The following NSD2 variants were observed in gnomAD, a reference collection of about 807,000 sequenced individuals.
NSD2 encodes histone-lysine N-methyltransferase NSD2.
In NSD2, 12 loss-of-function variants were observed where a neutral mutation model predicts 139.0. That is an observed-to-expected ratio of 0.09 (90% CI 0.06 to 0.14). NSD2 has a LOEUF of 0.14. Among genes scored for constraint, NSD2 ranks in the 10% least tolerant of loss-of-function variants. The pLI is 1.00. For synonymous variants in NSD2, 669 were observed against 648.7 expected, an observed-to-expected ratio of 1.03 and a Z score of -0.48; for missense variants, 1,155 against 1,745.0, an observed-to-expected ratio of 0.66 and a Z score of 6.02.
chr4:1,979,180 G>A lies in NSD2; in HGVS notation c.*271G>A. The stretch of plus-strand genomic sequence containing the variant: ...GTTACCGCCACACTTGAATTTCTCC[G>A]AATGTCAAGGTTCCCTCCCACTCTA... On this transcript the variant is annotated 3_prime_UTR_variant, in exon 22 of 22. Coordinates refer to ENST00000508803, the MANE Select transcript of NSD2 (RefSeq NM_001042424.3). The A allele has an allele frequency of 2.6e-6, 1 of 384,982 alleles. No homozygotes were observed. Among genetic ancestry groups the A allele is most frequent in the Non-Finnish European group, 4.6e-6 (1 of 218,120 alleles). The allele number at this position is 384,982 out of a possible 1,614,324, so 23.8% of individuals were successfully genotyped here. A position where few individuals can be genotyped will look rare whatever the true frequency, so the allele number is the denominator to read the frequency against.
At chr4:1,957,517 A>T (rs1319119051) in intron 15 of NSD2, among the ~76,000 whole-genome samples, 8 of 147,056 alleles carry the variant, frequency 5.4e-5, no homozygotes, top group Non-Finnish European at 1.2e-4. Flanking sequence ...TGAACTCCTG[A>T]CCTCAGGTGA....
chr4:1,950,999 G>A (rs1724162452), intron 9 of NSD2, 73 bp from the exon 10 acceptor site: 8 of 1,580,346 alleles, frequency 5.1e-6, no homozygotes, highest in Non-Finnish European at 6.0e-6. Context: ...GGCGGGACGA[G>A]CCTGCCTGCA....
At position 1,942,834 on chromosome 4, in the gene NSD2, A is replaced by G; in HGVS notation, c.1881+3056A>G. The G allele has an allele frequency of 9.4e-7, 1 of 1,068,064 alleles. No individual in the cohort carries two copies. The highest frequency in any genetic ancestry group is 1.1e-6 in the Non-Finnish European group (1 of 880,696). The allele number at this position is 1,068,064 out of a possible 1,614,324, so 66.2% of individuals were successfully genotyped here. On this transcript the variant is annotated intron_variant, in intron 9 of 21. Transcript: ENST00000508803. The surrounding 1 kb of genome is among the most constrained non-coding windows in gnomAD (Gnocchi z 4.0). ...ACAGCACACGTTAGGAGGAGTCCTC[A>G]TCAGCTGTTCTCATTGCCAGTGAGA...
At chr4:1,872,610 G>GAGAGAGAGAGAGAGAA in intron 1 of NSD2, among the ~76,000 whole-genome samples, 1 of 140,662 alleles carries the variant, frequency 7.1e-6, no homozygotes, top group East Asian at 2.3e-4. Context: ...GAGAGAGAGA[G>GAGAGAGAGAGAGAGAA]AGAGAGAGAG....
chr4:1,931,577 G>A (rs1721638444), intron 6 of NSD2, among the ~76,000 whole-genome samples: 1 of 152,106 alleles, frequency 6.6e-6, no homozygotes, highest in Admixed American at 6.5e-5. Flanking sequence ...GCTTTGGAGA[G>A]TCCAAACATA....
chr4:1,952,608 C>T (rs536423313), intron 11 of NSD2: 2 of 729,704 alleles, frequency 2.7e-6, no homozygotes, highest in South Asian at 8.5e-5. Flanking sequence ...CCTGGTTGGT[C>T]ACCGAACACT....
At chr4:1,960,968 C>A in intron 17 of NSD2, 67 bp from the exon 18 acceptor site, 1 of 1,329,056 alleles carries the variant, frequency 7.5e-7, no homozygotes, top group Admixed American at 1.7e-5. Flanking sequence ...GATGGGGAGT[C>A]TTGAGCCCCG....
chr4:1,951,941 G>C, intron 10 of NSD2, 167 bp from the exon 11 acceptor site: 1 of 1,066,214 alleles, frequency 9.4e-7, no homozygotes, highest in Non-Finnish European at 1.3e-6. Flanking sequence ...TTCTGTATTT[G>C]TACGTTCTGT....
chr4:1,966,011 A>G (rs1725847969), intron 18 of NSD2, among the ~76,000 whole-genome samples: 1 of 152,210 alleles, frequency 6.6e-6, no homozygotes, highest in South Asian at 2.1e-4. Flanking sequence ...CAAATTTCTC[A>G]TCAGGAATTT....
intron 5 of NSD2, among the ~76,000 whole-genome samples, chr4:1,919,994 G>A (rs1719913244): frequency 6.6e-6 from 1 of 152,146 alleles, no homozygotes; most frequent in South Asian, 2.1e-4. Flanking sequence ...TAACCAGCAT[G>A]TATTTTGTGG....
intron 5 of NSD2, among the ~76,000 whole-genome samples, chr4:1,929,200 G>C (rs1721327875): frequency 6.6e-6 from 1 of 152,008 alleles, no homozygotes; most frequent in Non-Finnish European, 1.5e-5. Flanking sequence ...CAGGCAACAA[G>C]AGGGCAACAA....
rs1719453928 is a variant in NSD2 at position 1,916,771 on chromosome 4, A to G, written c.761-100A>G. On this transcript the variant is annotated intron_variant, in intron 3 of 21. Coordinates refer to ENST00000508803, the MANE Select transcript of NSD2 (RefSeq NM_001042424.3). ...AATTTGTTTTGAGGTTAACAGGCTC[A>G]GACAACACCAAGGGAAACAACTGCA... is the stretch of plus-strand genomic sequence containing the variant. 5 of 1,213,582 alleles carry G rather than the reference A, an allele frequency of 4.1e-6. No individual in the cohort carries two copies. In the South Asian group the frequency reaches 6.2e-5, roughly 15 times the overall value. 75.2% of individuals were successfully genotyped at this position (1,213,582 alleles called of 1,614,324 possible).
intron 18 of NSD2, among the ~76,000 whole-genome samples, chr4:1,969,682 C>T (rs1726245274): frequency 6.6e-6 from 1 of 152,190 alleles, no homozygotes; most frequent in African/African-American, 2.4e-5. Flanking sequence ...TGTGCTCCAG[C>T]CTGGGCAACA....
At chr4:1,977,024 C>T (rs1056497107) in intron 21 of NSD2, among the ~76,000 whole-genome samples, 1 of 152,236 alleles carries the variant, frequency 6.6e-6, no homozygotes, top group African/African-American at 2.4e-5. Flanking sequence ...ACTAAAGCCC[C>T]TCCTAGGAGA....
chr4:1,924,150 A>G (rs1720535759), intron 5 of NSD2, among the ~76,000 whole-genome samples: 1 of 152,252 alleles, frequency 6.6e-6, no homozygotes, highest in Non-Finnish European at 1.5e-5. Flanking sequence ...CCTGGGCAAC[A>G]TAGCAAGATC....
intron 3 of NSD2, among the ~76,000 whole-genome samples, chr4:1,913,490 G>A (rs151137416): frequency 2.6e-5 from 4 of 152,312 alleles, no homozygotes; most frequent in Admixed American, 6.5e-5. Flanking sequence ...TTCATGTTCC[G>A]CCCTGTACAT....
rs1713760945 is a variant in NSD2, at chr4:1,871,562, A to G, written c.-30+20A>G. 6.6e-6 allele frequency: 1 copy of G among 151,166 alleles called. No individual in the cohort carries two copies. The highest frequency in any genetic ancestry group is 1.5e-5 in the Non-Finnish European group (1 of 67,690). 9.4% of individuals were successfully genotyped at this position (151,166 alleles called of 1,614,324 possible). The stretch of plus-strand genomic sequence containing the variant: ...CCGCAGGTCACTGGGGCGCCCGCCC[A>G]ACAGTCGCGGGCCGCCAACCGCCGG... On this transcript the variant is annotated intron_variant, in intron 1 of 21. Transcript: ENST00000508803.
intron 1 of NSD2, among the ~76,000 whole-genome samples, chr4:1,883,631 C>CAAAAAA (rs558413845): frequency 1.3e-5 from 1 of 74,146 alleles, no homozygotes; most frequent in African/African-American, 4.8e-5. Context: ...ACTTTGTTTC[C>CAAAAAA]AAAAAAAAAA....
Position 1,976,533 on chromosome 4 carries a change from G to A in NSD2, c.3680G>A (p.Arg1227Gln). 4 of 1,613,936 alleles carry A rather than the reference G, an allele frequency of 2.5e-6. No homozygotes were observed. The highest frequency in any genetic ancestry group is 1.3e-5 in the African/African-American group (1 of 75,062). ...KGKKTKKKTR[R>Q]RRAKGEGKRQ... ...AAAAAGACCAAGAAGAAAACGAGGC[G>A]GCGCAGAGCAAAAGGGGAAGGGAAG... is the stretch of plus-strand genomic sequence containing the variant. Residue 1227 changes from arginine (R) to glutamine (Q), a missense_variant, in exon 21 of 22, where the codon CGG becomes CAG. Arg to Gln is a conservative substitution (Grantham distance 43). Coordinates refer to ENST00000508803, the MANE Select transcript of NSD2 (RefSeq NM_001042424.3). This position sits in a 1 kb window ranked among gnomAD's most constrained non-coding sequence, Gnocchi z 5.3.
Sources: allele counts gnomAD v4.1 joint callset (sites outside exome capture counted in the v4.1 genomes callset), GRCh38; gene constraint gnomAD v4.1.1; non-coding constraint Gnocchi (gnomAD v3.1); transcripts MANE v1.5; gene names NCBI Gene and HGNC (gene_info 2026-07-23, HGNC 2026-07-21).